Variants in EMILIN2 observed in about 807,000 individuals in gnomAD.
EMILIN2 encodes elastin microfibril interfacer 2, also known as EMILIN-2.
Under a neutral mutation model 87.1 loss-of-function variants are expected in EMILIN2, and 71 were observed. That is an observed-to-expected ratio of 0.82 (90% confidence interval 0.67 to 0.99). The LOEUF (loss-of-function observed/expected upper bound fraction) is 0.99. Among genes scored for constraint, EMILIN2 ranks in the 50% least tolerant of loss-of-function variants. The probability of loss-of-function intolerance (pLI) is 0.00; values close to 1 mark genes in which losing one functional copy is unlikely to be tolerated. For synonymous variants in EMILIN2, 581 were observed against 563.4 expected (o/e 1.03, Z -0.44); for missense variants, 1,407 against 1,371.8 (o/e 1.03, Z -0.40).
rs1044478317 is a variant in EMILIN2, at chr18:2,850,070, G to C, written c.257+2139G>C. On this transcript the variant is annotated intron_variant, in intron 2 of 7. Transcript: ENST00000254528. ...GCCTCCCGAGTAGCTGGGACTACAG[G>C]TGTGTGCCACCATGCCCAGCTAATT... 2.7e-4 allele frequency among the ~76,000 whole-genome samples: 40 copies of C among 150,940 alleles called. 1 individual carries two copies. The highest frequency in any genetic ancestry group is 3.2e-3 in the Middle Eastern group (1 of 316).
intron 4 of EMILIN2, among the ~76,000 whole-genome samples, chr18:2,904,092 G>T (rs116820545): frequency 3.5e-4 from 54 of 152,284 alleles, no homozygotes; most frequent in African/African-American, 1.3e-3. Context: ...GGGTATTTTT[G>T]CTGGGTACAG....
rs1007746052 is a variant in EMILIN2, at chr18:2,912,044, T to C, written c.2825-1023T>C. Among the ~76,000 whole-genome samples, 501 of 147,924 alleles carry C rather than the reference T, an allele frequency of 3.4e-3. 2 individuals carry two copies. Among genetic ancestry groups the C allele is most frequent in the Non-Finnish European group, 6.2e-3 (413 of 66,842 alleles). On this transcript the variant is annotated intron_variant, in intron 7 of 7. Transcript: ENST00000254528. Reference sequence around the variant, plus strand: ...CTCCTGACAACCACTTTTTTTTTTTTTTTTTTTTTTTTCTGAGACAGTCTT... The same window carrying C: ...CTCCTGACAACCACTTTTTTTTTTTCTTTTTTTTTTTTCTGAGACAGTCTT...
intron 2 of EMILIN2, among the ~76,000 whole-genome samples, chr18:2,873,397 A>G (rs150374226): frequency 0.039 from 5,911 of 151,266 alleles, 372 homozygotes; most frequent in African/African-American, 0.13. Flanking sequence ...GTGACAGAGT[A>G]AGATTCCGTC....
chr18:2,910,374 G>C (rs1053394974), intron 7 of EMILIN2, among the ~76,000 whole-genome samples: 1 of 152,182 alleles, frequency 6.6e-6, no homozygotes, highest in African/African-American at 2.4e-5. Context: ...CCCCTGCCCC[G>C]GGTTGTTGCT....
intron 2 of EMILIN2, among the ~76,000 whole-genome samples, chr18:2,857,661 G>A (rs144160548): frequency 6.6e-6 from 1 of 152,146 alleles, no homozygotes; most frequent in African/African-American, 2.4e-5. Context: ...AGCGACTCTG[G>A]CTTGCCTTTA....
intron 2 of EMILIN2, among the ~76,000 whole-genome samples, chr18:2,862,216 A>G (rs1032406187): frequency 1.4e-4 from 22 of 152,042 alleles, no homozygotes; most frequent in African/African-American, 5.3e-4. Context: ...CTAATTGAAT[A>G]CCCTTTATTT....
chr18:2,913,647 T>TTTTTTA lies in EMILIN2; in HGVS notation c.*244_*245insTTTTAT. 9.1e-5 allele frequency: 35 copies of TTTTTTA among 383,232 alleles called. No individual in the cohort carries two copies. The highest frequency in any genetic ancestry group is 7.1e-4 in the Middle Eastern group (1 of 1,410). 23.7% of individuals were successfully genotyped at this position (383,232 alleles called of 1,614,324 possible). On this transcript the variant is annotated 3_prime_UTR_variant, in exon 8 of 8. Transcript: ENST00000254528. Reference sequence around the variant, plus strand: ...CACTCTAACTGGACAACTGGAAGACTTGGAAAGGCCTCCACCTGTATCTAC... The same window carrying TTTTTTA: ...CACTCTAACTGGACAACTGGAAGACTTTTTTATGGAAAGGCCTCCACCTGTATCTAC...
rs1263905809 is a variant in EMILIN2 at position 2,847,078 on chromosome 18, G to A, written c.-111G>A. The A allele has an allele frequency of 4.6e-6, 5 of 1,086,572 alleles. No homozygotes were observed. Among genetic ancestry groups the A allele is most frequent in the Admixed American group, 4.7e-5 (1 of 21,054 alleles). The allele number at this position is 1,086,572 out of a possible 1,614,324, so 67.3% of individuals were successfully genotyped here. Reference sequence around the variant, plus strand: ...CTGGTTGGAGCGCCGCGAAGCGCCCGAGCCTCTTGCCTTCGCGGGCGGCGC... The same window carrying A: ...CTGGTTGGAGCGCCGCGAAGCGCCCAAGCCTCTTGCCTTCGCGGGCGGCGC... On this transcript the variant is annotated 5_prime_UTR_variant, in exon 1 of 8. Coordinates refer to ENST00000254528, the MANE Select transcript of EMILIN2 (RefSeq NM_032048.3). This position sits in a 1 kb window ranked among gnomAD's most constrained non-coding sequence, Gnocchi z 4.5.
chr18:2,898,346 G>A (rs1472124114), intron 4 of EMILIN2, among the ~76,000 whole-genome samples: 3 of 152,244 alleles, frequency 2.0e-5, no homozygotes, highest in Non-Finnish European at 4.4e-5. Flanking sequence ...GGAGAATGGG[G>A]CAGCCCGCCC....
intron 2 of EMILIN2, among the ~76,000 whole-genome samples, chr18:2,852,577 G>A (rs1047971075): frequency 3.3e-5 from 5 of 152,150 alleles, no homozygotes; most frequent in Non-Finnish European, 5.9e-5. Flanking sequence ...GGAGCGCAGC[G>A]GCACCATCTC....
At chr18:2,899,711 C>T (rs1343041139) in intron 4 of EMILIN2, among the ~76,000 whole-genome samples, 1 of 152,098 alleles carries the variant, frequency 6.6e-6, no homozygotes, top group Non-Finnish European at 1.5e-5. Flanking sequence ...ACCATGTTGG[C>T]CAGGCTGGTT....
intron 2 of EMILIN2, among the ~76,000 whole-genome samples, chr18:2,873,232 G>A (rs552292741): frequency 1.3e-4 from 20 of 151,890 alleles, no homozygotes; most frequent in African/African-American, 4.1e-4. Context: ...CCAACATGGC[G>A]AAACCCCATC....
chr18:2,892,249 C>CATATGGAGAAAACTTGCAGCTT lies in EMILIN2; in HGVS notation c.2142_2143insTTATATGGAGAAAACTTGCAGC (p.Lys715LeufsTer68). The CATATGGAGAAAACTTGCAGCTT allele has an allele frequency of 1.2e-6, 2 of 1,613,654 alleles. No homozygotes were observed. The highest frequency in any genetic ancestry group is 1.7e-6 in the Non-Finnish European group (2 of 1,179,688). On this transcript the variant is annotated frameshift_variant, in exon 4 of 8. Coordinates refer to ENST00000254528, the MANE Select transcript of EMILIN2 (RefSeq NM_032048.3). LOFTEE classifies it high-confidence loss of function. ...CTCCATGGTGGAGGGCAGGGTGTCT[C>CATATGGAGAAAACTTGCAGCTT]ATATGGAGAAAACTTGCAGCAAGCT...
intron 2 of EMILIN2, among the ~76,000 whole-genome samples, chr18:2,884,645 AG>A (rs1209998625): frequency 6.6e-6 from 1 of 152,228 alleles, no homozygotes; most frequent in Non-Finnish European, 1.5e-5. Context: ...GTGAAACAAA[AG>A]CTCAGTTTGG....
chr18:2,876,734 C>G (rs1598492984), intron 2 of EMILIN2, among the ~76,000 whole-genome samples: 3 of 152,000 alleles, frequency 2.0e-5, no homozygotes, highest in Admixed American at 1.3e-4. Context: ...CCACTGCACT[C>G]CAGCCTGGGA....
At chr18:2,902,281 T>C (rs1276924374) in intron 4 of EMILIN2, among the ~76,000 whole-genome samples, 3 of 152,174 alleles carry the variant, frequency 2.0e-5, no homozygotes, top group Non-Finnish European at 2.9e-5. Context: ...ATACTTAAAT[T>C]GTTCAATGTC....
chr18:2,886,721 A>G lies in EMILIN2; in HGVS notation c.433+1582A>G, dbSNP rs188240165. ...GTACTATGAATAGATTTTCTTTCCT[A>G]CGCAGCTTTTTGATTCCTTACAGTT... On this transcript the variant is annotated intron_variant, in intron 3 of 7. Transcript: ENST00000254528. 2.7e-3 allele frequency among the ~76,000 whole-genome samples: 413 copies of G among 152,316 alleles called. 1 individual carries two copies. Among genetic ancestry groups the G allele is most frequent in the Middle Eastern group, 0.014 (4 of 294 alleles).
chr18:2,888,913 A>G (rs183660767), intron 3 of EMILIN2, among the ~76,000 whole-genome samples: 56 of 152,244 alleles, frequency 3.7e-4, no homozygotes, highest in Admixed American at 2.2e-3. Context: ...AGGAGGAAAA[A>G]ACAATGATCG....
At chr18:2,879,670 C>T (rs536478913) in intron 2 of EMILIN2, among the ~76,000 whole-genome samples, 22 of 151,448 alleles carry the variant, frequency 1.5e-4, no homozygotes, top group African/African-American at 5.3e-4. Context: ...TCCCTGCCCC[C>T]AACACCCCCC....
Sources: gnomAD v4.1 joint callset for allele counts (sites outside exome capture counted in the v4.1 genomes callset) on GRCh38, gnomAD v4.1.1 for gene constraint, Gnocchi (gnomAD v3.1) non-coding constraint, MANE v1.5 for transcripts, NCBI Gene and HGNC (gene_info 2026-07-23, HGNC 2026-07-21) for gene names.